Variants in RORA observed in about 807,000 individuals in gnomAD.
RORA encodes the protein nuclear receptor ROR-alpha.
In RORA, 7 loss-of-function variants were observed where a neutral mutation model predicts 69.5. The observed-to-expected ratio is 0.10, with a 90% confidence interval of 0.06 to 0.19. The LOEUF is 0.19. Among genes scored for constraint, RORA ranks in the 10% least tolerant of loss-of-function variants. The pLI is 1.00. For missense variants in RORA, 457 were observed against 663.0 expected (o/e 0.69, Z 3.41); for synonymous variants, 261 against 240.8 (o/e 1.08, Z -0.78).
intron 1 of RORA, among the ~76,000 whole-genome samples, chr15:61,227,056 G>A (rs1463085401): frequency 6.6e-6 from 1 of 152,098 alleles, no homozygotes; most frequent in African/African-American, 2.4e-5. Flanking sequence ...CGGCTCTGCA[G>A]CCTGCCACCC....
intron 1 of RORA, among the ~76,000 whole-genome samples, chr15:61,102,865 T>C (rs2078899630): frequency 6.6e-6 from 1 of 152,342 alleles, no homozygotes; most frequent in Admixed American, 6.5e-5. Context: ...GGATGCTTTT[T>C]TAAAGAGGAC....
At chr15:60,820,184 C>T (rs1488699432) in intron 1 of RORA, among the ~76,000 whole-genome samples, 4 of 152,248 alleles carry the variant, frequency 2.6e-5, no homozygotes, top group Non-Finnish European at 5.9e-5. Flanking sequence ...CCTCCCATCA[C>T]GTGAGGGTGG....
chr15:61,020,328 A>G (rs1298363500), intron 1 of RORA, among the ~76,000 whole-genome samples: 1 of 152,144 alleles, frequency 6.6e-6, no homozygotes, highest in Non-Finnish European at 1.5e-5. Context: ...GCCCAGGATG[A>G]AAGCACTCTC....
At chr15:60,938,741 A>AT (rs11430762) in intron 1 of RORA, among the ~76,000 whole-genome samples, 111,458 of 151,828 alleles carry the variant, frequency 0.73, 41,530 homozygotes, top group East Asian at 0.95. Context: ...TCTAAAAAAA[A>AT]TTTTTTTTAA....
At chr15:61,011,432 T>C (rs1895082538) in intron 1 of RORA, among the ~76,000 whole-genome samples, 2 of 152,230 alleles carry the variant, frequency 1.3e-5, no homozygotes, top group African/African-American at 4.8e-5. Flanking sequence ...TTTGCTTTTG[T>C]TGTTTGATTT....
intron 1 of RORA, among the ~76,000 whole-genome samples, chr15:60,744,250 C>G (rs747810856): frequency 2.6e-5 from 4 of 152,142 alleles, no homozygotes; most frequent in Non-Finnish European, 5.9e-5. Context: ...TAAAGATATA[C>G]GTTGCTTTTA....
At chr15:60,754,710 T>C (rs2071772467) in intron 1 of RORA, among the ~76,000 whole-genome samples, 1 of 152,204 alleles carries the variant, frequency 6.6e-6, no homozygotes, top group African/African-American at 2.4e-5. Context: ...AGAGGTTTGC[T>C]GCACAGGCAC....
chr15:60,965,945 A>G (rs891123594), intron 1 of RORA, among the ~76,000 whole-genome samples: 3 of 152,204 alleles, frequency 2.0e-5, no homozygotes, highest in Non-Finnish European at 4.4e-5. Context: ...GTAATAGAGT[A>G]TGGCAGCCAT....
At chr15:61,068,966 G>A (rs143257119) in intron 1 of RORA, among the ~76,000 whole-genome samples, 2 of 152,286 alleles carry the variant, frequency 1.3e-5, no homozygotes, top group African/African-American at 2.4e-5. Context: ...TATACTGTAC[G>A]TAATTCAGGG....
chr15:60,888,309 C>G (rs866720627), intron 1 of RORA, among the ~76,000 whole-genome samples: 6 of 152,362 alleles, frequency 3.9e-5, no homozygotes, highest in Middle Eastern at 3.4e-3. Flanking sequence ...CTGGCCTGAC[C>G]TGAAGCAAGG....
At chr15:60,612,352 A>C (rs961980267) in intron 2 of RORA, among the ~76,000 whole-genome samples, 2 of 152,200 alleles carry the variant, frequency 1.3e-5, no homozygotes, top group Non-Finnish European at 2.9e-5. Context: ...AGACCTGCCA[A>C]CTTGAAAAAT....
intron 1 of RORA, among the ~76,000 whole-genome samples, chr15:60,816,078 A>ATATGTATACTGTAAACAG (rs2072811807): frequency 2.2e-5 from 3 of 133,816 alleles, no homozygotes; most frequent in African/African-American, 8.6e-5. Context: ...TATAAACAGT[A>ATATGTATACTGTAAACAG]TATGTATACT....
chr15:60,940,250 A>G (rs968855456), intron 1 of RORA, among the ~76,000 whole-genome samples: 2 of 152,220 alleles, frequency 1.3e-5, no homozygotes, highest in African/African-American at 4.8e-5. Context: ...ATAGCCCCAA[A>G]CCAGAAACAA....
intron 2 of RORA, among the ~76,000 whole-genome samples, chr15:60,562,611 A>ATT (rs34301774): frequency 1.5e-5 from 2 of 137,488 alleles, no homozygotes; most frequent in Admixed American, 7.3e-5. Context: ...AACTTTCTGT[A>ATT]TTTTTTTTTT....
chr15:60,491,773 G>C lies in RORA; in HGVS notation c.*5682C>G, dbSNP rs1456461687. 6.6e-6 allele frequency: 1 copy of C among 151,972 alleles called. No homozygotes were observed. Among genetic ancestry groups the C allele is most frequent in the Non-Finnish European group, 1.5e-5 (1 of 68,000 alleles). 9.4% of individuals were successfully genotyped at this position (151,972 alleles called of 1,614,324 possible). ...TGCACTGTGGAGACATTGCTAGTCA[G>C]TCTTCTCATCTCTTAAAAATAAATA... On this transcript the variant is annotated 3_prime_UTR_variant, in exon 11 of 11. Coordinates refer to ENST00000335670, the MANE Select transcript of RORA (RefSeq NM_134261.3).
Position 60,529,112 on chromosome 15 carries a change from A to T in RORA, c.282+2654T>A, listed in dbSNP as rs2066453011. On this transcript the variant is annotated intron_variant, in intron 3 of 10. Transcript: ENST00000335670. ...AATTAAACAGGTCCTCTAGTTTCTTATGGTGTCAGCTTGTTAATTTAAAAA... is the reference window on the plus strand; with the variant it reads ...AATTAAACAGGTCCTCTAGTTTCTTTTGGTGTCAGCTTGTTAATTTAAAAA... 4 of 152,366 alleles carry T rather than the reference A, an allele frequency of 2.6e-5. No individual in the cohort carries two copies. The South Asian group carries it at 8.3e-4, about 32-fold the overall frequency. The allele number at this position is 152,366 out of a possible 1,614,324, so 9.4% of individuals were successfully genotyped here.
chr15:60,840,822 C>A (rs928021946), intron 1 of RORA, among the ~76,000 whole-genome samples: 1 of 152,212 alleles, frequency 6.6e-6, no homozygotes, highest in African/African-American at 2.4e-5. Flanking sequence ...GCCTGACTGA[C>A]AAAGCATCCT....
intron 1 of RORA, among the ~76,000 whole-genome samples, chr15:60,772,699 T>C (rs752709039): frequency 3.3e-5 from 5 of 152,166 alleles, no homozygotes; most frequent in South Asian, 2.1e-4. Flanking sequence ...GGAGCGTTCA[T>C]GAATGGCAAG....
At chr15:61,038,964 A>G (rs1933272186) in intron 1 of RORA, 4 of 152,158 alleles carry the variant, frequency 2.6e-5, no homozygotes. Context: ...TTTTTGAGGC[A>G]AGAGGGTAAA....
Sources: allele counts gnomAD v4.1 joint callset (sites outside exome capture counted in the v4.1 genomes callset), GRCh38; gene constraint gnomAD v4.1.1; transcripts MANE v1.5; gene names NCBI Gene and HGNC (gene_info 2026-07-23, HGNC 2026-07-21).